The following BCL2 variants were observed in gnomAD, a reference collection of about 807,000 sequenced individuals.
BCL2 encodes BCL2 apoptosis regulator, also known as apoptosis regulator Bcl-2.
BCL2 carries 1 observed loss-of-function variant against 14.2 expected under a neutral mutation model. That is an observed-to-expected ratio of 0.07 (90% CI 0.02 to 0.33). BCL2 has a LOEUF of 0.33. BCL2 is among the 10% of genes least tolerant of loss of function. The pLI is 0.99. For synonymous variants in BCL2, 151 were observed against 137.2 expected (o/e 1.10, Z -0.70); for missense variants, 247 against 305.9 (o/e 0.81, Z 1.44).
chr18:63,210,853 T>C (rs1909978386), intron 2 of BCL2, among the ~76,000 whole-genome samples: 1 of 152,106 alleles, frequency 6.6e-6, no homozygotes, highest in Non-Finnish European at 1.5e-5. Flanking sequence ...CTCCTGGCAG[T>C]CCTGGCGACC....
intron 2 of BCL2, among the ~76,000 whole-genome samples, chr18:63,206,827 G>A (rs1273182527): frequency 6.6e-6 from 1 of 152,126 alleles, no homozygotes; most frequent in East Asian, 1.9e-4. Flanking sequence ...ACTAGAGTAG[G>A]TGGAGGCAGT....
chr18:63,179,873 A>C (rs1228203181), intron 2 of BCL2, among the ~76,000 whole-genome samples: 1 of 152,224 alleles, frequency 6.6e-6, no homozygotes, highest in Non-Finnish European at 1.5e-5. Context: ...ACAGTAGCTC[A>C]ACAGATGCTC....
intron 2 of BCL2, among the ~76,000 whole-genome samples, chr18:63,249,944 C>T (rs12961976): frequency 0.13 from 19,945 of 151,986 alleles, 1,643 homozygotes; most frequent in Non-Finnish European, 0.18. Context: ...GAGTACCCAC[C>T]GAATGCCGCA....
intron 2 of BCL2, among the ~76,000 whole-genome samples, chr18:63,264,345 C>A (rs139909745): frequency 7.9e-5 from 12 of 152,224 alleles, no homozygotes; most frequent in African/African-American, 2.9e-4. Context: ...TTTTACACAC[C>A]CCCTGTAAAA....
At chr18:63,133,254 G>A (rs1914118808) in intron 2 of BCL2, among the ~76,000 whole-genome samples, 1 of 151,550 alleles carries the variant, frequency 6.6e-6, no homozygotes, top group Non-Finnish European at 1.5e-5. Flanking sequence ...CCGGGCCATG[G>A]AGCACTCCCA....
intron 2 of BCL2, among the ~76,000 whole-genome samples, chr18:63,267,184 G>A (rs953608630): frequency 2.0e-5 from 3 of 152,194 alleles, no homozygotes; most frequent in African/African-American, 7.2e-5. Context: ...CAGTTTCTCT[G>A]GGGGTGCTCA....
intron 2 of BCL2, among the ~76,000 whole-genome samples, chr18:63,252,028 A>T (rs1252633885): frequency 6.6e-6 from 1 of 152,182 alleles, no homozygotes; most frequent in Non-Finnish European, 1.5e-5. Flanking sequence ...CTGATTGTCA[A>T]GACATTTTTA....
At chr18:63,161,072 T>C (rs534987112) in intron 2 of BCL2, among the ~76,000 whole-genome samples, 140 of 152,314 alleles carry the variant, frequency 9.2e-4, no homozygotes, top group African/African-American at 3.2e-3. Flanking sequence ...AATGGTACCC[T>C]GAGGTGATCC....
chr18:63,192,744 CT>C (rs141882499), intron 2 of BCL2, among the ~76,000 whole-genome samples: 14,452 of 152,200 alleles, frequency 0.095, 975 homozygotes, highest in Middle Eastern at 0.19. Flanking sequence ...TCCTTCACCC[CT>C]GCCCCAGCAT....
chr18:63,158,456 C>T (rs1914839313), intron 2 of BCL2, among the ~76,000 whole-genome samples: 1 of 152,054 alleles, frequency 6.6e-6, no homozygotes, highest in African/African-American at 2.4e-5. Context: ...CCATCAGTTG[C>T]TCTGGACCCT....
At chr18:63,267,276 G>A (rs1911860278) in intron 2 of BCL2, among the ~76,000 whole-genome samples, 1 of 152,208 alleles carries the variant, frequency 6.6e-6, no homozygotes, top group Admixed American at 6.5e-5. Flanking sequence ...AGAGTCAGGA[G>A]GACAGGTTGG....
At chr18:63,314,071 A>C (rs1436856331) in intron 2 of BCL2, 1 of 152,240 alleles carries the variant, frequency 6.6e-6, no homozygotes, top group Non-Finnish European at 1.5e-5. Context: ...ATCACACCAC[A>C]GCACATGACT....
chr18:63,232,123 A>T (rs536796536), intron 2 of BCL2, among the ~76,000 whole-genome samples: 1 of 152,252 alleles, frequency 6.6e-6, no homozygotes, highest in East Asian at 1.9e-4. Context: ...ATGGAGAAAA[A>T]AAATAGATCA....
intron 2 of BCL2, among the ~76,000 whole-genome samples, chr18:63,197,222 C>T (rs1444391499): frequency 6.6e-6 from 1 of 152,174 alleles, no homozygotes; most frequent in Non-Finnish European, 1.5e-5. Flanking sequence ...AGAGTCCAAC[C>T]CGGCTAAGCG....
In BCL2 at chr18:63,226,012, T is replaced by C. The variant is rs1472301034; in HGVS notation, c.585+92070A>G. 3.3e-5 allele frequency among the ~76,000 whole-genome samples: 5 copies of C among 152,126 alleles called. No homozygotes were observed. The South Asian group carries it at 1.0e-3, about 32-fold the overall frequency. On this transcript the variant is annotated intron_variant, in intron 2 of 2. Transcript: ENST00000333681. Reference sequence around the variant, plus strand: ...TGAGGTCGCACAAACAAACTGAAGATGGTAAATACAGAGGATTTTACTGCC... The same window carrying C: ...TGAGGTCGCACAAACAAACTGAAGACGGTAAATACAGAGGATTTTACTGCC...
intron 2 of BCL2, among the ~76,000 whole-genome samples, chr18:63,265,510 T>C (rs1911800598): frequency 6.6e-6 from 1 of 152,212 alleles, no homozygotes; most frequent in Non-Finnish European, 1.5e-5. Context: ...ACTTCTTTCT[T>C]TGAAACAACC....
At position 63,319,740 on chromosome 18, in the gene BCL2, G is replaced by A; in HGVS notation, c.-853C>T. The A allele has an allele frequency of 4.8e-6, 1 of 208,862 alleles. No individual in the cohort carries two copies. The highest frequency in any genetic ancestry group is 9.8e-6 in the Non-Finnish European group (1 of 102,378). The allele number at this position is 208,862 out of a possible 1,614,324, so 12.9% of individuals were successfully genotyped here. A position where few individuals can be genotyped will look rare whatever the true frequency, so the allele number is the denominator to read the frequency against. On this transcript the variant is annotated 5_prime_UTR_variant, in exon 1 of 3. Transcript: ENST00000333681. ...GGCCCGCCGGTGCCGAGCGCTAGAA[G>A]CCCGCGCTGTGTGTGGTGCGGCGAG...
intron 2 of BCL2, among the ~76,000 whole-genome samples, chr18:63,153,909 A>G (rs2144610971): frequency 6.6e-6 from 1 of 152,350 alleles, no homozygotes; most frequent in South Asian, 2.1e-4. Flanking sequence ...CTGAATGTGG[A>G]TTTTGGGACA....
chr18:63,180,611 G>A (rs1217639926), intron 2 of BCL2, among the ~76,000 whole-genome samples: 1 of 149,308 alleles, frequency 6.7e-6, no homozygotes, highest in African/African-American at 2.5e-5. Context: ...CTGCCAGCCA[G>A]CTGAGTACTG....
Sources: gnomAD v4.1 joint callset for allele counts (sites outside exome capture counted in the v4.1 genomes callset) on GRCh38, gnomAD v4.1.1 for gene constraint, MANE v1.5 for transcripts, NCBI Gene and HGNC (gene_info 2026-07-23, HGNC 2026-07-21) for gene names.